ACTR3C: variants seen among roughly 807,000 people sequenced by gnomAD.
ACTR3C encodes actin-related protein 3C.
Under a neutral mutation model 26.3 loss-of-function variants are expected in ACTR3C, and 18 were observed. The observed-to-expected ratio is 0.68, with a 90% CI of 0.47 to 1.01. ACTR3C has a LOEUF of 1.01. ACTR3C is among the 50% of genes least tolerant of loss of function. The pLI is 0.00. For missense variants in ACTR3C, 184 were observed against 250.7 expected (o/e 0.73, Z 1.80); for synonymous variants, 55 against 94.5 (o/e 0.58, Z 2.42).
the ACTR3C span, among the ~76,000 whole-genome samples, chr7:150,162,664 A>G: frequency 2.0e-5 from 3 of 152,040 alleles, no homozygotes; most frequent in Non-Finnish European, 4.4e-5. Context: ...CCATCCTAAT[A>G]TTTTTCTCAT....
At chr7:150,302,275 A>C (rs955695878) in intron 1 of ACTR3C, among the ~76,000 whole-genome samples, 2 of 152,230 alleles carry the variant, frequency 1.3e-5, no homozygotes, top group African/African-American at 4.8e-5. Context: ...GAGTACAAAG[A>C]AAGCAAGCCT....
downstream of ACTR3C, among the ~76,000 whole-genome samples, chr7:150,240,293 C>A (rs1424645304): frequency 2.0e-5 from 3 of 152,166 alleles, no homozygotes; most frequent in Non-Finnish European, 4.4e-5. Flanking sequence ...TGTTCCCGAG[C>A]TTTTTAATGA....
chr7:149,994,873 G>T, the ACTR3C span, among the ~76,000 whole-genome samples: 2 of 140,814 alleles, frequency 1.4e-5, no homozygotes, highest in African/African-American at 5.3e-5. Flanking sequence ...TTGAGATGGA[G>T]TATGGAGTTT....
intron 1 of ACTR3C, among the ~76,000 whole-genome samples, chr7:150,315,969 G>A (rs994535877): frequency 5.3e-5 from 8 of 152,136 alleles, no homozygotes; most frequent in East Asian, 1.9e-4. Context: ...AGGCCGAGGC[G>A]GGTGGATCAC....
chr7:149,942,572 C>T, the ACTR3C span, among the ~76,000 whole-genome samples: 32,985 of 147,978 alleles, frequency 0.22, 5,935 homozygotes, highest in African/African-American at 0.5. Flanking sequence ...CCCTTAAGCT[C>T]GAACATCACA....
chr7:149,923,891 G>A, the ACTR3C span, among the ~76,000 whole-genome samples: 1 of 151,758 alleles, frequency 6.6e-6, no homozygotes, highest in African/African-American at 2.4e-5. Flanking sequence ...CCAGCTCCTC[G>A]GGAGGCTGAG....
the ACTR3C span, among the ~76,000 whole-genome samples, chr7:150,124,936 G>A: frequency 2.6e-5 from 4 of 152,178 alleles, no homozygotes; most frequent in African/African-American, 9.7e-5. Flanking sequence ...GAAAGACTGA[G>A]GCTAAGAGAG....
At chr7:150,318,869 T>C (rs1585021019) in intron 1 of ACTR3C, among the ~76,000 whole-genome samples, 1 of 152,242 alleles carries the variant, frequency 6.6e-6, no homozygotes, top group African/African-American at 2.4e-5. Context: ...ACATAAACCA[T>C]GTGATTCTCA....
the ACTR3C span, among the ~76,000 whole-genome samples, chr7:150,015,267 G>C: frequency 6.6e-6 from 1 of 152,126 alleles, no homozygotes; most frequent in Non-Finnish European, 1.5e-5. Flanking sequence ...GGTTCTAAGA[G>C]GGTTGAAGTC....
At chr7:149,895,802 AAC>A in the ACTR3C span, among the ~76,000 whole-genome samples, 2 of 152,208 alleles carry the variant, frequency 1.3e-5, no homozygotes, top group Admixed American at 1.3e-4. Context: ...CAGCCTGAGC[AAC>A]AGAGTGAGAC....
chr7:150,161,200 A>ATT, the ACTR3C span, among the ~76,000 whole-genome samples: 7 of 85,054 alleles, frequency 8.2e-5, no homozygotes, highest in South Asian at 5.3e-4. Flanking sequence ...GGAGGAAAGT[A>ATT]TTTATATATA....
At chr7:149,885,243 A>G in the ACTR3C span, among the ~76,000 whole-genome samples, 5 of 152,222 alleles carry the variant, frequency 3.3e-5, no homozygotes, top group Admixed American at 2.0e-4. Flanking sequence ...AAACTTAGTT[A>G]TCAACCCAGA....
the ACTR3C span, among the ~76,000 whole-genome samples, chr7:149,907,478 T>TTCTCTTCTCTTCTCTCTCTCTC: frequency 1.7e-4 from 17 of 97,688 alleles, no homozygotes; most frequent in South Asian, 2.8e-3. Flanking sequence ...CTCTCTTCTC[T>TTCTCTTCTCTTCTCTCTCTCTC]TCTCTCTCTC....
chr7:150,096,648 A>G, the ACTR3C span, among the ~76,000 whole-genome samples: 1 of 151,896 alleles, frequency 6.6e-6, no homozygotes, highest in Non-Finnish European at 1.5e-5. Flanking sequence ...TAAGAGCTTA[A>G]GAGTAATCTA....
chr7:150,120,669 C>T, the ACTR3C span, among the ~76,000 whole-genome samples: 78 of 152,220 alleles, frequency 5.1e-4, no homozygotes, highest in Middle Eastern at 0.017. Flanking sequence ...CAAAGAGGAG[C>T]TGGTACCATT....
chr7:150,041,490 AT>A, the ACTR3C span: 2 of 177,170 alleles, frequency 1.1e-5, no homozygotes, highest in Non-Finnish European at 2.0e-5. Flanking sequence ...AGGAGCAACG[AT>A]GGGGGGTCCT....
intron 4 of ACTR3C, among the ~76,000 whole-genome samples, chr7:150,287,038 T>C (rs957175480): frequency 6.6e-6 from 1 of 152,194 alleles, no homozygotes; most frequent in African/African-American, 2.4e-5. Flanking sequence ...GGGTGGCCAC[T>C]GTCAACCTGC....
At chr7:150,072,759 A>G in the ACTR3C span, among the ~76,000 whole-genome samples, 1 of 152,190 alleles carries the variant, frequency 6.6e-6, no homozygotes, top group Non-Finnish European at 1.5e-5. Context: ...AACTATGGAA[A>G]AACATTTGGG....
chr7:150,144,006 A>C, the ACTR3C span, among the ~76,000 whole-genome samples: 2 of 152,142 alleles, frequency 1.3e-5, no homozygotes, highest in Non-Finnish European at 2.9e-5. This position sits in a 1 kb window ranked among gnomAD's most constrained non-coding sequence, Gnocchi z 4.6. Context: ...CAAAGCCAAG[A>C]CTGGAGAGCT....
Sources: allele counts gnomAD v4.1 joint callset (sites outside exome capture counted in the v4.1 genomes callset), GRCh38; gene constraint gnomAD v4.1.1; non-coding constraint Gnocchi (gnomAD v3.1); transcripts MANE v1.5; gene names NCBI Gene and HGNC (gene_info 2026-07-23, HGNC 2026-07-21).